FAT3: variants seen among roughly 807,000 people sequenced by gnomAD.
FAT3 encodes the protein protocadherin Fat 3.
Under a neutral mutation model 310.2 loss-of-function variants are expected in FAT3, and 95 were observed. The observed-to-expected ratio is 0.31, with a 90% CI of 0.26 to 0.36. The LOEUF is 0.36. Among genes scored for constraint, FAT3 ranks in the 10% least tolerant of loss-of-function variants. FAT3 has a pLI of 1.00. For missense variants in FAT3, 5,408 were observed against 5,715.6 expected (o/e 0.95, Z 1.74); for synonymous variants, 2,314 against 2,192.9 (o/e 1.06, Z -1.54).
At chr11:92,686,954 G>C (rs1371962576) in intron 3 of FAT3, among the ~76,000 whole-genome samples, 1 of 152,154 alleles carries the variant, frequency 6.6e-6, no homozygotes, top group East Asian at 1.9e-4. Flanking sequence ...AAGTGTGTCA[G>C]GAATTACAGA....
intron 4 of FAT3, among the ~76,000 whole-genome samples, chr11:92,755,804 A>G (rs566724131): frequency 6.6e-6 from 1 of 152,316 alleles, no homozygotes; most frequent in South Asian, 2.1e-4. Flanking sequence ...CCCAGATATT[A>G]CAGAGGATTT....
chr11:92,649,760 A>T (rs988361699), intron 3 of FAT3, among the ~76,000 whole-genome samples: 13 of 151,930 alleles, frequency 8.6e-5, no homozygotes, highest in Non-Finnish European at 1.6e-4. Flanking sequence ...TATGTCAGCG[A>T]TCTAGATATT....
chr11:92,683,103 A>C (rs753907821), intron 3 of FAT3, among the ~76,000 whole-genome samples: 4 of 146,416 alleles, frequency 2.7e-5, no homozygotes, highest in Non-Finnish European at 4.5e-5. Flanking sequence ...TCTGACTGGC[A>C]CTCTCCAGCA....
In FAT3 at chr11:92,376,734, G is replaced by A. The variant is rs570548187; in HGVS notation, c.3292+21330G>A. ...TTGGATAGTGGTTGTGGTTTTATCT[G>A]CTTTGGTGTTTGTTGTTATTATTTT... On this transcript the variant is annotated intron_variant, in intron 2 of 27. Coordinates refer to ENST00000525166, the MANE Select transcript of FAT3 (RefSeq NM_001367949.2). Among the ~76,000 whole-genome samples, 42 of 152,250 alleles carry A rather than the reference G, an allele frequency of 2.8e-4. No individual in the cohort carries two copies. The South Asian group carries it at 7.5e-3, about 27-fold the overall frequency.
intron 3 of FAT3, among the ~76,000 whole-genome samples, chr11:92,553,256 A>G (rs181573817): frequency 1.4e-3 from 211 of 152,342 alleles, no homozygotes; most frequent in African/African-American, 4.9e-3. Context: ...TCTTGTTCAT[A>G]TATAAGATAT....
chr11:92,616,881 C>T (rs943664371), intron 3 of FAT3, among the ~76,000 whole-genome samples: 1 of 152,102 alleles, frequency 6.6e-6, no homozygotes, highest in Non-Finnish European at 1.5e-5. Flanking sequence ...GTCGGTAACC[C>T]CCACCTTTCT....
In FAT3 at chr11:92,745,913, C is replaced by T. The variant is rs1285425926; in HGVS notation, c.3670-15943C>T. ...AATCAGTGCCCTGCAGAAGACAGAT[C>T]ATGGGTACCTGGAAAGGGTGGATTA... is the stretch of plus-strand genomic sequence containing the variant. On this transcript the variant is annotated intron_variant, in intron 4 of 27. Transcript: ENST00000525166. Among the ~76,000 whole-genome samples, 3 of 152,162 alleles carry T rather than the reference C, an allele frequency of 2.0e-5. No homozygotes were observed. The East Asian group carries it at 5.8e-4, about 29-fold the overall frequency.
chr11:92,404,616 C>T (rs747518305), intron 2 of FAT3, among the ~76,000 whole-genome samples: 12 of 151,702 alleles, frequency 7.9e-5, no homozygotes, highest in Non-Finnish European at 1.6e-4. Context: ...CCCCAGGTAC[C>T]TCTTACTTCC....
intron 1 of FAT3, among the ~76,000 whole-genome samples, chr11:92,252,591 A>C (rs1865177654): frequency 1.3e-5 from 2 of 152,182 alleles, no homozygotes; most frequent in Admixed American, 1.3e-4. Flanking sequence ...ACTTGGCTGC[A>C]AGCACTGTAT....
chr11:92,722,767 A>G (rs1481607035), intron 4 of FAT3, among the ~76,000 whole-genome samples: 2 of 152,104 alleles, frequency 1.3e-5, no homozygotes, highest in Non-Finnish European at 2.9e-5. Flanking sequence ...GCTCAATACC[A>G]CATGGAAGCT....
intron 21 of FAT3, 81 bp downstream of exon 21, chr11:92,859,403 C>A: frequency 7.4e-7 from 1 of 1,360,256 alleles, no homozygotes. Flanking sequence ...CGGCTGAAAT[C>A]ATTTTGTCTT....
intron 2 of FAT3, among the ~76,000 whole-genome samples, chr11:92,481,244 A>G (rs1267822303): frequency 6.6e-6 from 1 of 152,204 alleles, no homozygotes; most frequent in African/African-American, 2.4e-5. Flanking sequence ...TATCTGGGCA[A>G]TGATGATATT....
chr11:92,623,883 C>T (rs950635580), intron 3 of FAT3, among the ~76,000 whole-genome samples: 5 of 151,968 alleles, frequency 3.3e-5, no homozygotes, highest in Admixed American at 6.6e-5. Flanking sequence ...GCAGAGCTTG[C>T]GGTGAGCTGA....
chr11:92,455,487 C>G (rs1951472087), intron 2 of FAT3, among the ~76,000 whole-genome samples: 1 of 152,110 alleles, frequency 6.6e-6, no homozygotes, highest in Non-Finnish European at 1.5e-5. Context: ...TGGCTTCTTA[C>G]AGGTAGTGAT....
intron 10 of FAT3, among the ~76,000 whole-genome samples, chr11:92,802,597 TG>T (rs549261450): frequency 6.6e-6 from 1 of 152,174 alleles, no homozygotes; most frequent in Non-Finnish European, 1.5e-5. Flanking sequence ...AGTGGTTTCC[TG>T]GGGGGCAGGC....
intron 1 of FAT3, among the ~76,000 whole-genome samples, chr11:92,312,160 A>G (rs1284422841): frequency 6.6e-6 from 1 of 152,176 alleles, no homozygotes; most frequent in Non-Finnish European, 1.5e-5. Flanking sequence ...GGCGTATTCA[A>G]AGGACTCCCT....
At chr11:92,813,798 A>G (rs1439103288) in intron 13 of FAT3, among the ~76,000 whole-genome samples, 1 of 152,200 alleles carries the variant, frequency 6.6e-6, no homozygotes, top group African/African-American at 2.4e-5. Context: ...TGACAGGCAT[A>G]TTTGATTCAT....
chr11:92,877,809 A>C (rs904708270), intron 22 of FAT3, among the ~76,000 whole-genome samples: 8 of 152,216 alleles, frequency 5.3e-5, no homozygotes, highest in African/African-American at 1.9e-4. Context: ...CAGAACCAAT[A>C]GGAGATATAT....
chr11:92,399,034 A>G (rs1949951055), intron 2 of FAT3, among the ~76,000 whole-genome samples: 1 of 152,250 alleles, frequency 6.6e-6, no homozygotes. Flanking sequence ...AATCTGTTCA[A>G]TGAAACTATA....
Sources: gnomAD v4.1 joint callset for allele counts (sites outside exome capture counted in the v4.1 genomes callset) on GRCh38, gnomAD v4.1.1 for gene constraint, MANE v1.5 for transcripts, NCBI Gene and HGNC (gene_info 2026-07-23, HGNC 2026-07-21) for gene names.